GRIK2: variants seen among roughly 807,000 people sequenced by gnomAD.
GRIK2 encodes the protein glutamate receptor ionotropic, kainate 2.
Under a neutral mutation model 100.3 loss-of-function variants are expected in GRIK2, and 32 were observed. The ratio of observed to expected loss-of-function variants is 0.32; its 90% CI spans 0.24 to 0.43. The LOEUF (loss-of-function observed/expected upper bound fraction) is 0.43, where lower values mean the gene tolerates loss of function less well. Among genes scored for constraint, GRIK2 ranks in the 20% least tolerant of loss-of-function variants. The pLI, the probability that GRIK2 is intolerant of heterozygous loss-of-function variation, is 1.00. For missense variants in GRIK2, 843 were observed against 1,114.9 expected, an observed-to-expected ratio of 0.76 and a Z score of 3.47; for synonymous variants, 417 against 389.4, an observed-to-expected ratio of 1.07 and a Z score of -0.83.
intron 4 of GRIK2, among the ~76,000 whole-genome samples, chr6:101,658,411 C>T (rs1582906907): frequency 6.6e-6 from 1 of 152,152 alleles, no homozygotes; most frequent in African/African-American, 2.4e-5. Context: ...GCATAGTATT[C>T]CGTAGTGTGT....
At chr6:101,825,605 T>C (rs1782269734) in intron 10 of GRIK2, among the ~76,000 whole-genome samples, 2 of 130,006 alleles carry the variant, frequency 1.5e-5, no homozygotes, top group Admixed American at 7.3e-5. Flanking sequence ...TGAAGACTTA[T>C]AAGCAGTTTT....
At chr6:101,445,968 G>A (rs1195622789) in intron 2 of GRIK2, among the ~76,000 whole-genome samples, 2 of 151,912 alleles carry the variant, frequency 1.3e-5, no homozygotes, top group Non-Finnish European at 2.9e-5. Flanking sequence ...CATTCCATAG[G>A]CACATCTCAT....
chr6:102,038,711 T>G (rs2114441259), intron 15 of GRIK2, among the ~76,000 whole-genome samples: 1 of 151,434 alleles, frequency 6.6e-6, no homozygotes, highest in East Asian at 1.9e-4. Flanking sequence ...GTTCTTGCTC[T>G]TTCTCAGCAA....
At chr6:101,568,522 C>T (rs1777386575) in intron 2 of GRIK2, among the ~76,000 whole-genome samples, 1 of 151,978 alleles carries the variant, frequency 6.6e-6, no homozygotes. Context: ...TAAACAATGT[C>T]CTCTAGCATA....
At chr6:101,945,263 TA>T (rs1468206273) in intron 14 of GRIK2, among the ~76,000 whole-genome samples, 2 of 152,172 alleles carry the variant, frequency 1.3e-5, no homozygotes, top group African/African-American at 4.8e-5. Flanking sequence ...GTTTTCAGTG[TA>T]AAATTTACGT....
chr6:101,689,278 A>G lies in GRIK2; in HGVS notation c.951+2925A>G, dbSNP rs577196164. On this transcript the variant is annotated intron_variant, in intron 7 of 16. Coordinates refer to ENST00000369134, the MANE Select transcript of GRIK2 (RefSeq NM_021956.5). ...GTATCTCTTTTTCTTTTTATCCCCT[A>G]TAGTCCCATAAAGAAATGGGATTAT... 1.6e-4 allele frequency among the ~76,000 whole-genome samples: 25 copies of G among 152,164 alleles called. No homozygotes were observed. In the South Asian group the frequency reaches 2.1e-3, roughly 13 times the overall value.
intron 14 of GRIK2, among the ~76,000 whole-genome samples, chr6:102,010,282 T>C (rs906556444): frequency 2.0e-5 from 3 of 152,078 alleles, no homozygotes; most frequent in African/African-American, 7.2e-5. Context: ...TTATCTACCA[T>C]TATAGTGTAA....
intron 14 of GRIK2, among the ~76,000 whole-genome samples, chr6:101,941,183 T>C (rs1790930143): frequency 6.6e-6 from 1 of 152,098 alleles, no homozygotes; most frequent in Non-Finnish European, 1.5e-5. Context: ...CATACTATTA[T>C]TTTAATCAAA....
At chr6:101,933,557 A>T (rs958607470) in intron 14 of GRIK2, among the ~76,000 whole-genome samples, 4 of 151,950 alleles carry the variant, frequency 2.6e-5, no homozygotes, top group African/African-American at 7.2e-5. Flanking sequence ...GTATTCATGG[A>T]TTCCTATTTT....
chr6:101,407,343 T>C (rs144493926), intron 2 of GRIK2, among the ~76,000 whole-genome samples: 18 of 152,180 alleles, frequency 1.2e-4, no homozygotes, highest in East Asian at 3.9e-4. Context: ...AGTTTAGAGG[T>C]GAATTGCCAA....
chr6:101,651,882 G>T (rs1030518721), intron 4 of GRIK2, among the ~76,000 whole-genome samples: 4 of 152,128 alleles, frequency 2.6e-5, no homozygotes, highest in Non-Finnish European at 5.9e-5. Context: ...GATCATCACA[G>T]AAGTGAGTAT....
intron 2 of GRIK2, among the ~76,000 whole-genome samples, chr6:101,524,269 G>C (rs1296787961): frequency 6.6e-6 from 1 of 152,084 alleles, no homozygotes; most frequent in African/African-American, 2.4e-5. Flanking sequence ...AAGTGTTGCA[G>C]CATGAGTAAG....
intron 2 of GRIK2, among the ~76,000 whole-genome samples, chr6:101,401,970 G>A (rs975664669): frequency 2.0e-5 from 3 of 152,044 alleles, no homozygotes; most frequent in African/African-American, 4.8e-5. Context: ...CCTCCGCCGC[G>A]GCGCTATGGC....
intron 7 of GRIK2, among the ~76,000 whole-genome samples, chr6:101,727,886 A>G (rs953099423): frequency 3.9e-5 from 6 of 152,056 alleles, no homozygotes; most frequent in Non-Finnish European, 8.8e-5. Flanking sequence ...ATGTATGCAT[A>G]TATATTAGCG....
rs543208182 is a variant in GRIK2, at chr6:101,656,752, A to C, written c.542-19871A>C. Among the ~76,000 whole-genome samples the C allele has an allele frequency of 2.0e-5, 3 of 152,336 alleles. No individual in the cohort carries two copies. In the South Asian group the frequency reaches 6.2e-4, roughly 32 times the overall value. On this transcript the variant is annotated intron_variant, in intron 4 of 16. Transcript: ENST00000369134. ...AGGTACCAATATAACCAAAGAAAGA[A>C]GAAAGAAAATGTCCATCAGAAAGAG...
At chr6:101,713,422 T>C (rs1409372136) in intron 7 of GRIK2, among the ~76,000 whole-genome samples, 1 of 151,818 alleles carries the variant, frequency 6.6e-6, no homozygotes, top group Non-Finnish European at 1.5e-5. Flanking sequence ...TATTTGTTTA[T>C]GACCTAATGT....
chr6:101,898,810 T>A (rs1292218939), intron 12 of GRIK2, among the ~76,000 whole-genome samples: 1 of 152,002 alleles, frequency 6.6e-6, no homozygotes, highest in African/African-American at 2.4e-5. Flanking sequence ...AATTCATGGA[T>A]ATGAGAGAAA....
chr6:101,598,806 C>T (rs999888646), intron 2 of GRIK2, among the ~76,000 whole-genome samples: 1 of 151,490 alleles, frequency 6.6e-6, no homozygotes, highest in Non-Finnish European at 1.5e-5. Flanking sequence ...ATTATGTCCT[C>T]ATTTTGGTCA....
chr6:101,441,777 C>T (rs1031118316), intron 2 of GRIK2, among the ~76,000 whole-genome samples: 12 of 152,112 alleles, frequency 7.9e-5, no homozygotes, highest in African/African-American at 2.4e-4. Context: ...CAGTTCTCCC[C>T]TTCCTTCAAA....
Sources: allele counts gnomAD v4.1 joint callset (sites outside exome capture counted in the v4.1 genomes callset), GRCh38; gene constraint gnomAD v4.1.1; transcripts MANE v1.5; gene names NCBI Gene and HGNC (gene_info 2026-07-23, HGNC 2026-07-21).